Variants in GPR176 observed in about 807,000 individuals in gnomAD.
GPR176 encodes G-protein coupled receptor 176.
Under a neutral mutation model 35.4 loss-of-function variants are expected in GPR176, and 26 were observed. That is an observed-to-expected ratio of 0.74 (90% CI 0.54 to 1.02). GPR176 has a LOEUF of 1.02. Ranked by LOEUF, GPR176 falls within the 50% of genes least tolerant of loss-of-function variation. The pLI is 0.00. For missense variants in GPR176, 597 were observed against 665.3 expected (o/e 0.90, Z 1.13); for synonymous variants, 278 against 271.3 (o/e 1.02, Z -0.24).
intron 1 of GPR176, among the ~76,000 whole-genome samples, chr15:39,864,899 A>G (rs1393405963): frequency 6.6e-6 from 1 of 151,978 alleles, no homozygotes; most frequent in Non-Finnish European, 1.5e-5. Flanking sequence ...ACATTTTTCA[A>G]AAGAAGACAT....
At chr15:39,903,967 T>C (rs1341662644) in intron 1 of GPR176, among the ~76,000 whole-genome samples, 1 of 152,190 alleles carries the variant, frequency 6.6e-6, no homozygotes, top group Non-Finnish European at 1.5e-5. Context: ...TTGCCCATTT[T>C]TATGGTTATT....
intron 1 of GPR176, among the ~76,000 whole-genome samples, chr15:39,902,752 C>T (rs1042822023): frequency 2.6e-5 from 4 of 152,052 alleles, no homozygotes; most frequent in African/African-American, 9.7e-5. Context: ...TGTTTCTTGC[C>T]CTAAGAAACT....
chr15:39,899,733 G>A (rs557270894), intron 1 of GPR176, among the ~76,000 whole-genome samples: 14 of 152,306 alleles, frequency 9.2e-5, no homozygotes, highest in Admixed American at 6.5e-4. Context: ...AAATGATGCA[G>A]TAGACATAGT....
At chr15:39,918,664 A>AAT (rs377018326) in intron 1 of GPR176, among the ~76,000 whole-genome samples, 9 of 150,290 alleles carry the variant, frequency 6.0e-5, no homozygotes, top group Non-Finnish European at 7.4e-5. Context: ...CACATCTTAA[A>AAT]ACACACACAC....
rs1296254007 is a variant in GPR176 at position 39,866,561 on chromosome 15, T to C, written c.172+53294A>G. Among the ~76,000 whole-genome samples, 5 of 152,322 alleles carry C rather than the reference T, an allele frequency of 3.3e-5. No individual in the cohort carries two copies. The South Asian group carries it at 1.0e-3, about 32-fold the overall frequency. On this transcript the variant is annotated intron_variant, in intron 1 of 2. Transcript: ENST00000561100. ...GTAGGATTACTGTCAGTAGCAATTT[T>C]GAAACTAATTTAAGTATATTATAGG...
Position 39,920,096 on chromosome 15 carries a change from G to C in GPR176, c.-70C>G. ...CCCGCGCGGAGCCTCTCCTCCTCCG[G>C]GTGAGGAGGGACGCGCGGGCGCCTG... On this transcript the variant is annotated 5_prime_UTR_variant, in exon 1 of 3. Coordinates refer to ENST00000561100, the MANE Select transcript of GPR176 (RefSeq NM_007223.3). 9.3e-7 allele frequency: 1 copy of C among 1,071,690 alleles called. No homozygotes were observed. Among genetic ancestry groups the C allele is most frequent in the African/African-American group, 1.6e-5 (1 of 61,128 alleles). The allele number at this position is 1,071,690 out of a possible 1,614,324, so 66.4% of individuals were successfully genotyped here.
At chr15:39,889,648 T>C (rs562883536) in intron 1 of GPR176, among the ~76,000 whole-genome samples, 1 of 152,162 alleles carries the variant, frequency 6.6e-6, no homozygotes, top group Admixed American at 6.5e-5. Context: ...GGACCTTGAC[T>C]CTAACTGTCC....
At position 39,828,948 on chromosome 15, in the gene GPR176, A is replaced by C; in HGVS notation, c.173-21690T>G. 5 of 626,868 alleles carry C rather than the reference A, an allele frequency of 8.0e-6. No homozygotes were observed. In the South Asian group the frequency reaches 8.6e-5, roughly 11 times the overall value. The allele number at this position is 626,868 out of a possible 1,614,324, so 38.8% of individuals were successfully genotyped here. ...TGCTAACATTAGAAAGAATGATACTACTAGCCAGAATTTAGTGAATACTTA... is the reference window on the plus strand; with the variant it reads ...TGCTAACATTAGAAAGAATGATACTCCTAGCCAGAATTTAGTGAATACTTA... On this transcript the variant is annotated intron_variant, in intron 1 of 2. Transcript: ENST00000561100.
At chr15:39,872,432 C>T (rs1020310188) in intron 1 of GPR176, among the ~76,000 whole-genome samples, 1 of 152,172 alleles carries the variant, frequency 6.6e-6, no homozygotes, top group Non-Finnish European at 1.5e-5. Flanking sequence ...TAGGACATCC[C>T]TTGCAGGATG....
chr15:39,885,833 T>C (rs1320533196), intron 1 of GPR176, among the ~76,000 whole-genome samples: 2 of 152,242 alleles, frequency 1.3e-5, no homozygotes, highest in Non-Finnish European at 2.9e-5. Flanking sequence ...AAGACACTGA[T>C]GTAGAAGACA....
intron 1 of GPR176, among the ~76,000 whole-genome samples, chr15:39,918,661 T>C (rs1447217297): frequency 6.6e-6 from 1 of 150,498 alleles, no homozygotes; most frequent in Non-Finnish European, 1.5e-5. Context: ...AAACACATCT[T>C]AAAACACACA....
intron 1 of GPR176, among the ~76,000 whole-genome samples, chr15:39,823,523 T>A (rs548814576): frequency 1.5e-4 from 23 of 152,082 alleles, no homozygotes; most frequent in South Asian, 1.2e-3. Context: ...CTTCTCTCCA[T>A]CCCCACTAGC....
intron 1 of GPR176, among the ~76,000 whole-genome samples, chr15:39,865,700 T>C (rs535057467): frequency 6.6e-6 from 1 of 152,272 alleles, no homozygotes; most frequent in South Asian, 2.1e-4. Context: ...CATAAATTTA[T>C]ACCAAAAAAG....
At chr15:39,815,754 G>A (rs1413541520) in intron 1 of GPR176, among the ~76,000 whole-genome samples, 1 of 152,114 alleles carries the variant, frequency 6.6e-6, no homozygotes, top group East Asian at 1.9e-4. Context: ...CCTCAAAAAA[G>A]TAACAAGAGA....
In GPR176 at chr15:39,800,873, C is replaced by T; in HGVS notation, c.*259G>A. Reference sequence around the variant, plus strand: ...CACCTCAAGACCCATTCAAAACTGCCCAGCTCTTGTCCCCACAGAGAATAA... The same window carrying T: ...CACCTCAAGACCCATTCAAAACTGCTCAGCTCTTGTCCCCACAGAGAATAA... On this transcript the variant is annotated 3_prime_UTR_variant, in exon 3 of 3. Coordinates refer to ENST00000561100, the MANE Select transcript of GPR176 (RefSeq NM_007223.3). 7.4e-6 allele frequency: 3 copies of T among 403,202 alleles called. No individual in the cohort carries two copies. The South Asian group carries it at 7.7e-5, about 10-fold the overall frequency. The allele number at this position is 403,202 out of a possible 1,614,324, so 25.0% of individuals were successfully genotyped here.
intron 1 of GPR176, among the ~76,000 whole-genome samples, chr15:39,871,175 TA>T (rs763616487): frequency 2.6e-5 from 4 of 152,180 alleles, no homozygotes; most frequent in Non-Finnish European, 4.4e-5. Context: ...GGAGGGTCAA[TA>T]AACTATCTGA....
intron 1 of GPR176, among the ~76,000 whole-genome samples, chr15:39,902,446 G>A (rs1320820206): frequency 2.0e-5 from 3 of 152,226 alleles, no homozygotes; most frequent in Non-Finnish European, 2.9e-5. Context: ...TAGCCCTCTA[G>A]TCCCTAATCC....
chr15:39,895,477 G>A (rs1338191686), intron 1 of GPR176, among the ~76,000 whole-genome samples: 5 of 152,032 alleles, frequency 3.3e-5, no homozygotes, highest in African/African-American at 1.2e-4. Flanking sequence ...ATAATTTCCT[G>A]GTTTTTAAAA....
At chr15:39,913,003 C>A (rs189260396) in intron 1 of GPR176, among the ~76,000 whole-genome samples, 1 of 152,046 alleles carries the variant, frequency 6.6e-6, no homozygotes, top group East Asian at 1.9e-4. Context: ...AAAACTTGTA[C>A]GTAAATATTC....
Sources: gnomAD v4.1 joint callset for allele counts (sites outside exome capture counted in the v4.1 genomes callset) on GRCh38, gnomAD v4.1.1 for gene constraint, MANE v1.5 for transcripts, NCBI Gene and HGNC (gene_info 2026-07-23, HGNC 2026-07-21) for gene names.